Variants in EPC2 observed in about 807,000 individuals in gnomAD.
EPC2 encodes enhancer of polycomb homolog 2.
A neutral mutation model predicts 92.1 loss-of-function variants in EPC2; 14 were observed. That is an observed-to-expected ratio of 0.15 (90% CI 0.10 to 0.24). The LOEUF (loss-of-function observed/expected upper bound fraction) is 0.24, where lower values mean the gene tolerates loss of function less well. EPC2 is among the 10% of genes least tolerant of loss of function. EPC2 has a pLI of 1.00. For missense variants in EPC2, 755 were observed against 971.5 expected, an observed-to-expected ratio of 0.78 and a Z score of 2.96; for synonymous variants, 340 against 334.7, an observed-to-expected ratio of 1.02 and a Z score of -0.17.
At chr2:148,662,578 A>G (rs957762278) in intron 1 of EPC2, among the ~76,000 whole-genome samples, 1 of 152,104 alleles carries the variant, frequency 6.6e-6, no homozygotes, top group African/African-American at 2.4e-5. Context: ...CAAAAAACCA[A>G]ACACCGCGTG....
chr2:148,691,701 A>G (rs1681647570), intron 2 of EPC2: 1 of 1,280,256 alleles, frequency 7.8e-7, no homozygotes, highest in Non-Finnish European at 1.1e-6. Context: ...GGACCACAGT[A>G]TTAGCTTTAA....
intron 3 of EPC2, among the ~76,000 whole-genome samples, chr2:148,744,109 T>C (rs1682936582): frequency 6.6e-6 from 1 of 152,164 alleles, no homozygotes; most frequent in Admixed American, 6.5e-5. Flanking sequence ...CAAATCTTGC[T>C]CAGATATTAA....
intron 1 of EPC2, among the ~76,000 whole-genome samples, chr2:148,658,810 T>C (rs1680871651): frequency 6.6e-6 from 1 of 151,652 alleles, no homozygotes; most frequent in Non-Finnish European, 1.5e-5. Context: ...ATAAATGATA[T>C]TAAACTATAT....
At chr2:148,746,230 C>G (rs1173302512) in intron 3 of EPC2, among the ~76,000 whole-genome samples, 3 of 151,958 alleles carry the variant, frequency 2.0e-5, no homozygotes, top group African/African-American at 7.2e-5. Context: ...TGACCTCTTT[C>G]TCAAACTCCA....
intron 2 of EPC2, among the ~76,000 whole-genome samples, chr2:148,725,042 G>T (rs1032289517): frequency 4.6e-5 from 7 of 151,978 alleles, no homozygotes; most frequent in Non-Finnish European, 1.0e-4. Context: ...GGTATATAGT[G>T]TTAAGAGAAA....
At chr2:148,756,294 G>A (rs1252353325) in intron 4 of EPC2, among the ~76,000 whole-genome samples, 1 of 152,036 alleles carries the variant, frequency 6.6e-6, no homozygotes, top group African/African-American at 2.4e-5. Flanking sequence ...TTTCAGTTGT[G>A]GGACCAAAGA....
intron 10 of EPC2, 22 bp downstream of exon 10, chr2:148,771,409 A>C (rs1030125253): frequency 3.0e-5 from 46 of 1,517,860 alleles, no homozygotes; most frequent in Non-Finnish European, 3.9e-5. Context: ...CTGTGTTAAA[A>C]GTATATCCTG....
At chr2:148,681,764 A>C (rs1681402371) in intron 1 of EPC2, among the ~76,000 whole-genome samples, 1 of 152,052 alleles carries the variant, frequency 6.6e-6, no homozygotes, top group Non-Finnish European at 1.5e-5. Flanking sequence ...GTACATGTGC[A>C]CAACATGCAG....
At chr2:148,761,534 T>C (rs1393019015) in intron 4 of EPC2, among the ~76,000 whole-genome samples, 3 of 152,230 alleles carry the variant, frequency 2.0e-5, no homozygotes, top group Non-Finnish European at 4.4e-5. Flanking sequence ...ATTGAAATTA[T>C]CTCTTTATGC....
chr2:148,723,465 T>C (rs1017412427), intron 2 of EPC2, among the ~76,000 whole-genome samples: 7 of 152,112 alleles, frequency 4.6e-5, no homozygotes, highest in Non-Finnish European at 7.4e-5. Flanking sequence ...CTCTCCCCCA[T>C]TGGTTTTCAG....
At chr2:148,756,721 G>A (rs1683197371) in intron 4 of EPC2, among the ~76,000 whole-genome samples, 1 of 152,204 alleles carries the variant, frequency 6.6e-6, no homozygotes, top group Admixed American at 6.5e-5. Context: ...AACTCTTAGT[G>A]TCTGTGCCTT....
At chr2:148,759,085 T>C (rs575063393) in intron 4 of EPC2, among the ~76,000 whole-genome samples, 1 of 152,244 alleles carries the variant, frequency 6.6e-6, no homozygotes. Flanking sequence ...GGAAAAAATG[T>C]ATTGTTATTA....
intron 2 of EPC2, among the ~76,000 whole-genome samples, chr2:148,720,719 C>T (rs1221672952): frequency 6.6e-6 from 1 of 152,180 alleles, no homozygotes; most frequent in African/African-American, 2.4e-5. Flanking sequence ...CATCACTTCC[C>T]TTGGCTGGGG....
chr2:148,766,390 T>A (rs1403877808), intron 7 of EPC2, among the ~76,000 whole-genome samples: 3 of 152,246 alleles, frequency 2.0e-5, no homozygotes, highest in Non-Finnish European at 1.5e-5. Context: ...CCAGATAATA[T>A]TCTGATAGTC....
At chr2:148,742,112 A>G (rs1205377375) in intron 2 of EPC2, among the ~76,000 whole-genome samples, 1 of 151,864 alleles carries the variant, frequency 6.6e-6, no homozygotes, top group Non-Finnish European at 1.5e-5. Flanking sequence ...TGTGTAAACT[A>G]TCATTTATCT....
chr2:148,678,812 T>C (rs1316960541), intron 1 of EPC2, among the ~76,000 whole-genome samples: 1 of 152,218 alleles, frequency 6.6e-6, no homozygotes, highest in Non-Finnish European at 1.5e-5. Flanking sequence ...GTTCCAGCCT[T>C]GGCCAGCCCA....
chr2:148,735,747 TATC>T (rs1408007353), intron 2 of EPC2, among the ~76,000 whole-genome samples: 5 of 152,038 alleles, frequency 3.3e-5, no homozygotes, highest in African/African-American at 4.8e-5. Context: ...GTTAGAATAA[TATC>T]ATATCACTCC....
At chr2:148,671,007 A>G (rs1165916611) in intron 1 of EPC2, among the ~76,000 whole-genome samples, 1 of 152,128 alleles carries the variant, frequency 6.6e-6, no homozygotes, top group Non-Finnish European at 1.5e-5. Context: ...ATTCTTGACT[A>G]ATACATGAAC....
chr2:148,733,690 C>T (rs948279064), intron 2 of EPC2, among the ~76,000 whole-genome samples: 1 of 151,592 alleles, frequency 6.6e-6, no homozygotes, highest in East Asian at 1.9e-4. Flanking sequence ...GGAGTTTCAC[C>T]ATGTTGTCCA....
Sources: gnomAD v4.1 joint callset for allele counts (sites outside exome capture counted in the v4.1 genomes callset) on GRCh38, gnomAD v4.1.1 for gene constraint, MANE v1.5 for transcripts, NCBI Gene and HGNC (gene_info 2026-07-23, HGNC 2026-07-21) for gene names.